The following TENM4 variants were observed in gnomAD, a reference collection of about 807,000 sequenced individuals.
The protein encoded by TENM4 is teneurin transmembrane protein 4, also known as teneurin-4.
In TENM4, 82 loss-of-function variants were observed where a neutral mutation model predicts 243.3. That is an observed-to-expected ratio of 0.34 (90% CI 0.28 to 0.40). TENM4 has a LOEUF of 0.40. Ranked by LOEUF, TENM4 falls within the 10% of genes least tolerant of loss-of-function variation. The pLI is 1.00. For missense variants in TENM4, 3,138 were observed against 3,673.3 expected (o/e 0.85, Z 3.77); for synonymous variants, 1,412 against 1,456.3 (o/e 0.97, Z 0.69).
chr11:78,735,828 C>T (rs571141483), intron 20 of TENM4, among the ~76,000 whole-genome samples: 1 of 146,890 alleles, frequency 6.8e-6, no homozygotes, highest in African/African-American at 2.4e-5. Context: ...ATTCCCTTGT[C>T]TTGGCTCCCA....
chr11:78,829,119 C>T (rs1015357207), intron 12 of TENM4, among the ~76,000 whole-genome samples: 1 of 152,220 alleles, frequency 6.6e-6, no homozygotes, highest in East Asian at 1.9e-4. Context: ...GCCAGCCTTC[C>T]TCCTGGGTCC....
At chr11:79,220,181 C>A (rs993918814) in intron 2 of TENM4, among the ~76,000 whole-genome samples, 1 of 152,240 alleles carries the variant, frequency 6.6e-6, no homozygotes, top group Non-Finnish European at 1.5e-5. Flanking sequence ...GCACTCAGAA[C>A]TGTATCATCG....
At position 78,701,892 on chromosome 11, in the gene TENM4, T is replaced by G. The variant is rs975748078; in HGVS notation, c.4721A>C (p.Asn1574Thr). Residue 1574 changes from asparagine to threonine, a missense_variant, in exon 28 of 34, where the codon AAC (asparagine) becomes ACC (threonine). Asn to Thr is a moderately conservative substitution (Grantham distance 65). Around this residue, in one of 2 missense-constraint regions of TENM4, gnomAD observed 2,467 missense variants for 3,059.1 expected, o/e 0.81. Transcript: ENST00000278550. ...RKNKPFLNTQ[N>T]MYELSSPIDQ... ...AATTGGTGAAGACAGCTCATACATG[T>G]TCTGGGTGTTGAGGAAAGGCTTGTT... 1.1e-5 allele frequency: 18 copies of G among 1,613,840 alleles called. No homozygotes were observed. Among genetic ancestry groups the G allele is most frequent in the Non-Finnish European group, 1.4e-5 (17 of 1,179,880 alleles).
chr11:79,383,491 A>G (rs1858048582), intron 1 of TENM4, among the ~76,000 whole-genome samples: 1 of 152,220 alleles, frequency 6.6e-6, no homozygotes, highest in South Asian at 2.1e-4. Context: ...GAATCTGACA[A>G]GAAGCAAATC....
At chr11:78,791,895 T>A (rs951092974) in intron 15 of TENM4, among the ~76,000 whole-genome samples, 1 of 152,136 alleles carries the variant, frequency 6.6e-6, no homozygotes, top group Admixed American at 6.5e-5. Flanking sequence ...GCTTTCTGAA[T>A]TAATGGAGGA....
In TENM4 at chr11:79,090,417, G is replaced by A. The variant is rs79973805; in HGVS notation, c.-65-20408C>T. On this transcript the variant is annotated intron_variant, in intron 4 of 33. Coordinates refer to ENST00000278550, the MANE Select transcript of TENM4 (RefSeq NM_001098816.3). Reference sequence around the variant, plus strand: ...GCTTAAATGCAACATGCAGACACCCGTGCAGAAGAAAGGCAGGTGGCGAGC... The same window carrying A: ...GCTTAAATGCAACATGCAGACACCCATGCAGAAGAAAGGCAGGTGGCGAGC... Among the ~76,000 whole-genome samples, 1,489 of 152,352 alleles carry A rather than the reference G, an allele frequency of 9.8e-3. 25 individuals carry two copies. The highest frequency in any genetic ancestry group is 0.034 in the African/African-American group (1,404 of 41,566).
rs557980261 is a variant in TENM4, at chr11:78,903,900, T to A, written c.494-377A>T. 52 of 514,150 alleles carry A rather than the reference T, an allele frequency of 1.0e-4. 2 individuals are homozygous for A. Among genetic ancestry groups the A allele is most frequent in the South Asian group, 8.1e-4 (52 of 64,366 alleles). The allele number at this position is 514,150 out of a possible 1,614,324, so 31.8% of individuals were successfully genotyped here. On this transcript the variant is annotated intron_variant, in intron 6 of 33. Transcript: ENST00000278550. The stretch of plus-strand genomic sequence containing the variant: ...AGCTTCAGCATCGTCTGGGAACTTG[T>A]TAGAGATGAAAATAAGCCCTGCCCC...
intron 4 of TENM4, among the ~76,000 whole-genome samples, chr11:79,129,002 A>G (rs1482081127): frequency 3.3e-5 from 5 of 152,200 alleles, no homozygotes; most frequent in Admixed American, 2.6e-4. Context: ...AAGGAAGCAG[A>G]CAGCTCCTGC....
chr11:79,286,318 G>A (rs2135373649), intron 2 of TENM4, among the ~76,000 whole-genome samples: 1 of 152,066 alleles, frequency 6.6e-6, no homozygotes, highest in East Asian at 1.9e-4. Flanking sequence ...ATGTATTCTG[G>A]GTAAGTGGCT....
At chr11:79,088,534 A>G (rs992280472) in intron 4 of TENM4, among the ~76,000 whole-genome samples, 3 of 152,136 alleles carry the variant, frequency 2.0e-5, no homozygotes, top group African/African-American at 4.8e-5. Context: ...TTATTCCTCT[A>G]TATCATCTTT....
intron 18 of TENM4, among the ~76,000 whole-genome samples, chr11:78,759,566 G>C (rs1340945955): frequency 6.6e-6 from 1 of 152,156 alleles, no homozygotes; most frequent in African/African-American, 2.4e-5. Context: ...TCAGCTCTGT[G>C]GCACCTGGAA....
rs140934689 is a variant in TENM4 at position 79,202,430 on chromosome 11, G to A, written c.-163+13378C>T. Among the ~76,000 whole-genome samples the A allele has an allele frequency of 5.8e-3, 876 of 152,250 alleles. 6 individuals carry two copies. The highest frequency in any genetic ancestry group is 0.02 in the African/African-American group (825 of 41,532). Reference sequence around the variant, plus strand: ...TGTGCAGATGATGTTTGTGATTGTTGCAAAAATGGTGGCATGAAAAATTTG... The same window carrying A: ...TGTGCAGATGATGTTTGTGATTGTTACAAAAATGGTGGCATGAAAAATTTG... On this transcript the variant is annotated intron_variant, in intron 3 of 33. Coordinates refer to ENST00000278550, the MANE Select transcript of TENM4 (RefSeq NM_001098816.3).
chr11:79,030,180 A>G (rs1859190114), intron 6 of TENM4, among the ~76,000 whole-genome samples: 1 of 152,208 alleles, frequency 6.6e-6, no homozygotes, highest in African/African-American at 2.4e-5. Context: ...TGAGCTTTTC[A>G]TGTACCAGGT....
chr11:79,328,340 T>C lies in TENM4; in HGVS notation c.-320-30797A>G, dbSNP rs528495095. Among the ~76,000 whole-genome samples the C allele has an allele frequency of 6.6e-5, 10 of 152,274 alleles. No individual in the cohort carries two copies. In the South Asian group the frequency reaches 1.9e-3, roughly 28 times the overall value. ...AACCCATGTTTTTGGGTCTCTAACA[T>C]TGTTCTTCTTCCTTCCCCAAGCTGG... On this transcript the variant is annotated intron_variant, in intron 1 of 33. Transcript: ENST00000278550.
At chr11:79,187,704 G>T (rs919725530) in intron 3 of TENM4, among the ~76,000 whole-genome samples, 2 of 152,120 alleles carry the variant, frequency 1.3e-5, no homozygotes, top group Non-Finnish European at 2.9e-5. Context: ...GTTAATTAAG[G>T]TAAAATGAGG....
At chr11:78,913,583 ATG>A (rs55835050) in intron 6 of TENM4, among the ~76,000 whole-genome samples, 1,502 of 141,884 alleles carry the variant, frequency 0.011, 23 homozygotes, top group African/African-American at 0.033. Flanking sequence ...GGTAAGAGGT[ATG>A]TGTGTGTGTG....
intron 6 of TENM4, among the ~76,000 whole-genome samples, chr11:79,020,643 T>A (rs1000902737): frequency 3.9e-5 from 6 of 152,016 alleles, no homozygotes; most frequent in African/African-American, 1.2e-4. Context: ...ATGAAAAAAT[T>A]GTATTTTTGA....
intron 4 of TENM4, chr11:79,097,690 G>A (rs961496815): frequency 7.9e-5 from 12 of 152,262 alleles, no homozygotes; most frequent in African/African-American, 2.2e-4. Flanking sequence ...AAATCAACAT[G>A]CAGGGTGCCA....
intron 6 of TENM4, among the ~76,000 whole-genome samples, chr11:78,951,807 C>A (rs1857114032): frequency 6.6e-6 from 1 of 152,170 alleles, no homozygotes; most frequent in Admixed American, 6.5e-5. Flanking sequence ...AGAGCTTCAA[C>A]ACATGAATTT....
Sources: gnomAD v4.1 joint callset for allele counts (sites outside exome capture counted in the v4.1 genomes callset) on GRCh38, gnomAD v4.1.1 for gene constraint, gnomAD v4.1.1 regional missense constraint, MANE v1.5 for transcripts, NCBI Gene and HGNC (gene_info 2026-07-23, HGNC 2026-07-21) for gene names.